The following CYB5R4 variants were observed in gnomAD, a reference collection of about 807,000 sequenced individuals.
CYB5R4 encodes N-terminal cytochrome b5 and cytochrome b5 oxidoreductase domain-containing protein.
CYB5R4 carries 55 observed loss-of-function variants against 70.2 expected under a neutral mutation model. That is an observed-to-expected ratio of 0.78 (90% confidence interval 0.63 to 0.98). The LOEUF (loss-of-function observed/expected upper bound fraction) is 0.98. Ranked by LOEUF, CYB5R4 falls within the 50% of genes least tolerant of loss-of-function variation. The pLI is 0.00. For missense variants in CYB5R4, 562 were observed against 612.6 expected (o/e 0.92, Z 0.87); for synonymous variants, 197 against 199.5 (o/e 0.99, Z 0.11).
At chr6:83,878,483 G>A (rs929654004) in intron 2 of CYB5R4, among the ~76,000 whole-genome samples, 4 of 152,030 alleles carry the variant, frequency 2.6e-5, no homozygotes, top group Non-Finnish European at 5.9e-5. Context: ...CAGCAGCTGG[G>A]ACTACAGGCA....
At chr6:83,929,027 T>TA (rs1267618193) in intron 10 of CYB5R4, among the ~76,000 whole-genome samples, 1 of 152,190 alleles carries the variant, frequency 6.6e-6, no homozygotes, top group Non-Finnish European at 1.5e-5. Flanking sequence ...AAATGGGAGC[T>TA]ATAATGTGTT....
intron 14 of CYB5R4, among the ~76,000 whole-genome samples, chr6:83,953,046 T>C (rs1231555146): frequency 2.6e-5 from 4 of 152,180 alleles, no homozygotes; most frequent in Admixed American, 2.0e-4. Context: ...TTCGGTTTCT[T>C]CCAGGAGATG....
At chr6:83,952,590 T>C (rs1257801158) in intron 14 of CYB5R4, among the ~76,000 whole-genome samples, 2 of 152,032 alleles carry the variant, frequency 1.3e-5, no homozygotes, top group African/African-American at 4.8e-5. Flanking sequence ...GAAATAAATA[T>C]TGTGCATGAA....
intron 12 of CYB5R4, among the ~76,000 whole-genome samples, chr6:83,936,843 T>G (rs1282122999): frequency 6.6e-6 from 1 of 152,246 alleles, no homozygotes; most frequent in Non-Finnish European, 1.5e-5. Flanking sequence ...TCTCTCCAGC[T>G]TCATATCTTG....
chr6:83,955,412 A>G lies in CYB5R4; in HGVS notation c.1461A>G (p.Lys487=), dbSNP rs1352045724. The change falls in exon 15 of 16, where the codon AAA becomes AAG. Residue 487 remains lysine (K), a synonymous_variant. Coordinates refer to ENST00000369681, the MANE Select transcript of CYB5R4 (RefSeq NM_016230.4). ...TGAAAAGAAATTTGGACAAATCCAA[A>G]GTTCTCGTCTGCATTTGTGGACCAG... The part of the protein sequence containing the change: ...EFLKRNLDKS[K]VLVCICGPVP... The G allele has an allele frequency of 1.2e-6, 2 of 1,613,892 alleles. No individual in the cohort carries two copies. Among genetic ancestry groups the G allele is most frequent in the African/African-American group, 2.7e-5 (2 of 74,922 alleles).
chr6:83,916,439 C>T (rs918066059), intron 5 of CYB5R4, among the ~76,000 whole-genome samples: 2 of 152,128 alleles, frequency 1.3e-5, no homozygotes, highest in African/African-American at 4.8e-5. Flanking sequence ...TCTCTGAAAT[C>T]TTTCAGTGCT....
intron 12 of CYB5R4, among the ~76,000 whole-genome samples, chr6:83,939,085 C>T (rs1369694235): frequency 1.3e-5 from 2 of 152,084 alleles, no homozygotes; most frequent in Non-Finnish European, 2.9e-5. Flanking sequence ...ATCCACCTGC[C>T]TTGGCCTCCC....
At chr6:83,883,968 C>G (rs566958415) in intron 2 of CYB5R4, among the ~76,000 whole-genome samples, 4 of 151,600 alleles carry the variant, frequency 2.6e-5, no homozygotes, top group Admixed American at 2.6e-4. Context: ...AGAGGAAGGC[C>G]AAAAAGCCAA....
chr6:83,953,956 C>T (rs181709858), intron 14 of CYB5R4, among the ~76,000 whole-genome samples: 33 of 152,268 alleles, frequency 2.2e-4, no homozygotes, highest in Admixed American at 2.1e-3. Context: ...GGTCTGTTCT[C>T]TTCCTCTTTC....
intron 15 of CYB5R4, among the ~76,000 whole-genome samples, chr6:83,958,683 G>A (rs2099472828): frequency 6.6e-6 from 1 of 152,126 alleles, no homozygotes; most frequent in Non-Finnish European, 1.5e-5. Context: ...GTGCCCTACT[G>A]GCCCTTTGTG....
rs141770048 is a variant in CYB5R4 at position 83,904,233 on chromosome 6, T to A, written c.331-4776T>A. On this transcript the variant is annotated intron_variant, in intron 3 of 15. Transcript: ENST00000369681. ...TGCTATTCCACAGGTTTTGGTATGCTGCATTTCTATTTTCATTTGTTTCAA... is the reference window on the plus strand; with the variant it reads ...TGCTATTCCACAGGTTTTGGTATGCAGCATTTCTATTTTCATTTGTTTCAA... Among the ~76,000 whole-genome samples the A allele has an allele frequency of 3.3e-5, 5 of 152,300 alleles. No homozygotes were observed. In the East Asian group the frequency reaches 7.7e-4, roughly 23 times the overall value.
chr6:83,871,455 T>G (rs2099457621), intron 2 of CYB5R4, among the ~76,000 whole-genome samples: 1 of 152,316 alleles, frequency 6.6e-6, no homozygotes, highest in Middle Eastern at 3.4e-3. Context: ...TTCACTCTTT[T>G]CCTTCTCCTC....
chr6:83,876,975 G>A (rs1233118189), intron 2 of CYB5R4, among the ~76,000 whole-genome samples: 3 of 152,002 alleles, frequency 2.0e-5, no homozygotes, highest in Non-Finnish European at 4.4e-5. Flanking sequence ...GGGAGTACAG[G>A]CGTGTGCTAC....
chr6:83,909,193 G>A, intron 4 of CYB5R4, 103 bp downstream of exon 4: 1 of 905,382 alleles, frequency 1.1e-6, no homozygotes. Context: ...CTATGGTTTT[G>A]TAATTTTCAT....
intron 10 of CYB5R4, among the ~76,000 whole-genome samples, chr6:83,925,596 T>C (rs34558893): frequency 0.044 from 6,683 of 152,290 alleles, 150 homozygotes; most frequent in African/African-American, 0.05. Context: ...TGGTAGTATT[T>C]GCTCCTTGTT....
intron 14 of CYB5R4, among the ~76,000 whole-genome samples, chr6:83,942,678 C>A (rs1170884738): frequency 1.3e-5 from 2 of 152,136 alleles, no homozygotes; most frequent in Non-Finnish European, 2.9e-5. Context: ...CAGCGGATCC[C>A]ACCCCAACGG....
chr6:83,935,302 G>A (rs919460844), intron 11 of CYB5R4, among the ~76,000 whole-genome samples: 1 of 152,032 alleles, frequency 6.6e-6, no homozygotes, highest in African/African-American at 2.4e-5. Context: ...TTTTGAAGCT[G>A]CAAACGGTAA....
chr6:83,900,980 A>C (rs2099462852), intron 3 of CYB5R4, among the ~76,000 whole-genome samples: 2 of 152,208 alleles, frequency 1.3e-5, no homozygotes, highest in South Asian at 4.1e-4. Flanking sequence ...TAATGTTAAT[A>C]TTGTTATGTG....
chr6:83,867,115 A>G (rs1440509376), intron 2 of CYB5R4, among the ~76,000 whole-genome samples: 1 of 152,218 alleles, frequency 6.6e-6, no homozygotes, highest in Non-Finnish European at 1.5e-5. Context: ...GGCAGAGTGA[A>G]GCACCTTAAG....
Sources: allele counts gnomAD v4.1 joint callset (sites outside exome capture counted in the v4.1 genomes callset), GRCh38; gene constraint gnomAD v4.1.1; transcripts MANE v1.5; gene names NCBI Gene and HGNC (gene_info 2026-07-23, HGNC 2026-07-21).